The following NCEH1 variants were observed in gnomAD, a reference collection of about 807,000 sequenced individuals.
NCEH1 encodes neutral cholesterol ester hydrolase 1.
A neutral mutation model predicts 25.4 loss-of-function variants in NCEH1; 9 were observed. The observed-to-expected ratio is 0.35, with a 90% confidence interval of 0.21 to 0.62. The LOEUF is 0.62. Ranked by LOEUF, NCEH1 falls within the 20% of genes least tolerant of loss-of-function variation. The probability of loss-of-function intolerance (pLI) is 0.72; values close to 1 mark genes in which losing one functional copy is unlikely to be tolerated. For missense variants in NCEH1, 412 were observed against 501.1 expected (o/e 0.82, Z 1.70); for synonymous variants, 200 against 199.8 (o/e 1.00, Z -0.01).
At chr3:172,692,776 A>G (rs1339374487) in intron 1 of NCEH1, among the ~76,000 whole-genome samples, 1 of 152,206 alleles carries the variant, frequency 6.6e-6, no homozygotes, top group African/African-American at 2.4e-5. Flanking sequence ...AGTGACCAAA[A>G]TTAAAGCAGT....
intron 1 of NCEH1, among the ~76,000 whole-genome samples, chr3:172,679,771 T>C (rs553797926): frequency 2.6e-5 from 4 of 152,180 alleles, no homozygotes; most frequent in Admixed American, 2.6e-4. Context: ...CTCAATATAG[T>C]GATTCCCGCC....
At chr3:172,680,488 A>C (rs547315007) in intron 1 of NCEH1, among the ~76,000 whole-genome samples, 1 of 152,136 alleles carries the variant, frequency 6.6e-6, no homozygotes, top group Non-Finnish European at 1.5e-5. Context: ...CTTCCCTGTA[A>C]ACTTGCTGAG....
At chr3:172,701,618 T>G (rs1713693910) in intron 1 of NCEH1, among the ~76,000 whole-genome samples, 1 of 55,746 alleles carries the variant, frequency 1.8e-5, no homozygotes, top group African/African-American at 7.2e-5. Context: ...CCCAGCTAGT[T>G]TTTTTTTTTT....
intron 1 of NCEH1, among the ~76,000 whole-genome samples, chr3:172,692,330 G>A (rs551403445): frequency 1.2e-4 from 18 of 152,100 alleles, no homozygotes; most frequent in African/African-American, 4.1e-4. Context: ...TGTAAGGTTC[G>A]TAATGGAATA....
intron 1 of NCEH1, among the ~76,000 whole-genome samples, chr3:172,704,690 A>G (rs1225474033): frequency 1.3e-5 from 2 of 152,326 alleles, no homozygotes; most frequent in South Asian, 4.1e-4. Context: ...GGCAGGCAAT[A>G]TAGTCAGGTT....
At position 172,632,016 on chromosome 3, in the gene NCEH1, T is replaced by C. The variant is rs1180171734; in HGVS notation, c.*1459A>G. 6.6e-6 allele frequency: 1 copy of C among 152,618 alleles called. No homozygotes were observed. Among genetic ancestry groups the C allele is most frequent in the Non-Finnish European group, 1.5e-5 (1 of 68,046 alleles). 9.5% of individuals were successfully genotyped at this position (152,618 alleles called of 1,614,324 possible). A position where few individuals can be genotyped will look rare whatever the true frequency, so the allele number is the denominator to read the frequency against. On this transcript the variant is annotated 3_prime_UTR_variant, in exon 5 of 5. Transcript: ENST00000475381. ...AAGTTAAGCTTGGGCTGTTGAAACTTCCAGACCTGGCTGGAAGGAGGAGAT... is the reference window on the plus strand; with the variant it reads ...AAGTTAAGCTTGGGCTGTTGAAACTCCCAGACCTGGCTGGAAGGAGGAGAT...
At chr3:172,666,989 GTATTTC>G (rs1208245815) in intron 1 of NCEH1, among the ~76,000 whole-genome samples, 2 of 152,172 alleles carry the variant, frequency 1.3e-5, no homozygotes, top group Non-Finnish European at 2.9e-5. Context: ...CGAGCCCAAG[GTATTTC>G]TAAGCCAACA....
intron 1 of NCEH1, among the ~76,000 whole-genome samples, chr3:172,694,542 T>G (rs1014691460): frequency 6.6e-6 from 1 of 152,162 alleles, no homozygotes; most frequent in Admixed American, 6.5e-5. Context: ...AATATCAACA[T>G]TGCCAAAGTC....
chr3:172,644,248 T>C (rs1290497517), intron 3 of NCEH1, among the ~76,000 whole-genome samples: 1 of 151,812 alleles, frequency 6.6e-6, no homozygotes, highest in Admixed American at 6.6e-5. Flanking sequence ...GGGGTGACTC[T>C]AGGGCTTTTG....
chr3:172,656,039 G>C (rs1425255041), intron 1 of NCEH1, among the ~76,000 whole-genome samples: 3 of 152,204 alleles, frequency 2.0e-5, no homozygotes, highest in Non-Finnish European at 4.4e-5. Flanking sequence ...CTGCAGAGAG[G>C]CCAAGTAGAT....
rs966974127 is a variant in NCEH1 at position 172,632,297 on chromosome 3, C to A, written c.*1178G>T. On this transcript the variant is annotated 3_prime_UTR_variant, in exon 5 of 5. Transcript: ENST00000475381. ...GTTATATCATTTCCACAAAATTACA[C>A]GTGGTTATAACTGTAGGGAAGGTTT... 6 of 152,224 alleles carry A rather than the reference C, an allele frequency of 3.9e-5. No homozygotes were observed. Among genetic ancestry groups the A allele is most frequent in the South Asian group, 2.1e-4 (1 of 4,820 alleles). The allele number at this position is 152,224 out of a possible 1,614,324, so 9.4% of individuals were successfully genotyped here.
intron 1 of NCEH1, among the ~76,000 whole-genome samples, chr3:172,697,011 T>G (rs900296914): frequency 1.3e-5 from 2 of 152,072 alleles, no homozygotes; most frequent in Non-Finnish European, 2.9e-5. Flanking sequence ...CTGCAACCTC[T>G]GCCTCCTGGG....
At chr3:172,664,624 C>T (rs1718120657) in intron 1 of NCEH1, among the ~76,000 whole-genome samples, 1 of 152,322 alleles carries the variant, frequency 6.6e-6, no homozygotes, top group African/African-American at 2.4e-5. Context: ...GGTCTTTTCA[C>T]ATAGTCCCAT....
chr3:172,681,554 A>G (rs909596410), intron 1 of NCEH1, among the ~76,000 whole-genome samples: 1 of 151,990 alleles, frequency 6.6e-6, no homozygotes, highest in Admixed American at 6.6e-5. Context: ...CGAAACCCAT[A>G]CATCACACCA....
At chr3:172,682,966 G>A (rs1479646339) in intron 1 of NCEH1, among the ~76,000 whole-genome samples, 4 of 152,210 alleles carry the variant, frequency 2.6e-5, no homozygotes, top group East Asian at 1.9e-4. Context: ...ACAAGTGTGT[G>A]CCCCTGCCAC....
At chr3:172,676,731 C>T (rs993870571) in intron 1 of NCEH1, among the ~76,000 whole-genome samples, 1 of 152,116 alleles carries the variant, frequency 6.6e-6, no homozygotes, top group South Asian at 2.1e-4. Flanking sequence ...TAAACTGGCG[C>T]GAGACCAAGG....
intron 1 of NCEH1, among the ~76,000 whole-genome samples, chr3:172,668,788 T>C (rs755769541): frequency 2.0e-5 from 3 of 152,116 alleles, no homozygotes; most frequent in South Asian, 2.1e-4. Flanking sequence ...TAATTGATAC[T>C]AGGTAGATAT....
intron 1 of NCEH1, among the ~76,000 whole-genome samples, chr3:172,649,368 A>G (rs1020533292): frequency 2.6e-5 from 4 of 152,218 alleles, no homozygotes; most frequent in African/African-American, 9.6e-5. Context: ...TCAAACAATG[A>G]ACAGCTATTT....
chr3:172,677,036 G>A (rs1018448708), intron 1 of NCEH1, among the ~76,000 whole-genome samples: 1 of 152,100 alleles, frequency 6.6e-6, no homozygotes, highest in African/African-American at 2.4e-5. Context: ...TCCCTTGATT[G>A]CCAGGACAGC....
Sources: allele counts gnomAD v4.1 joint callset (sites outside exome capture counted in the v4.1 genomes callset), GRCh38; gene constraint gnomAD v4.1.1; transcripts MANE v1.5; gene names NCBI Gene and HGNC (gene_info 2026-07-23, HGNC 2026-07-21).